Variants in CTNND2 observed in about 807,000 individuals in gnomAD.
CTNND2 encodes the protein catenin delta 2.
In CTNND2, 22 loss-of-function variants were observed where a neutral mutation model predicts 144.4. The observed-to-expected ratio is 0.15, with a 90% CI of 0.11 to 0.22. The LOEUF (loss-of-function observed/expected upper bound fraction) is 0.22, where lower values mean the gene tolerates loss of function less well. Ranked by LOEUF, CTNND2 falls within the 10% of genes least tolerant of loss-of-function variation. The pLI is 1.00. For synonymous variants in CTNND2, 751 were observed against 695.6 expected (o/e 1.08, Z -1.25); for missense variants, 1,353 against 1,618.8 (o/e 0.84, Z 2.82).
At chr5:11,782,470 T>A (rs1790593722) in intron 1 of CTNND2, among the ~76,000 whole-genome samples, 2 of 152,214 alleles carry the variant, frequency 1.3e-5, no homozygotes, top group Admixed American at 6.5e-5. Flanking sequence ...AATAAAGGTC[T>A]GAGAAAAGGA....
At chr5:11,876,358 C>T (rs996347254) in intron 1 of CTNND2, among the ~76,000 whole-genome samples, 16 of 151,042 alleles carry the variant, frequency 1.1e-4, no homozygotes, top group African/African-American at 3.6e-4. Flanking sequence ...GAGAAAAGAA[C>T]GAAAAAGGAA....
chr5:11,902,545 G>A (rs1054084470), intron 1 of CTNND2, among the ~76,000 whole-genome samples: 2 of 151,980 alleles, frequency 1.3e-5, no homozygotes, highest in African/African-American at 2.4e-5. Flanking sequence ...TAACTCCTAG[G>A]GAGTTTCAGC....
At chr5:11,005,787 G>A (rs545859622) in intron 18 of CTNND2, among the ~76,000 whole-genome samples, 1 of 152,302 alleles carries the variant, frequency 6.6e-6, no homozygotes, top group South Asian at 2.1e-4. Flanking sequence ...TAGTTGTATG[G>A]ATGGGTTTAG....
At chr5:11,810,552 A>T (rs1792271985) in intron 1 of CTNND2, among the ~76,000 whole-genome samples, 1 of 152,228 alleles carries the variant, frequency 6.6e-6, no homozygotes, top group African/African-American at 2.4e-5. Flanking sequence ...CTAAATTAAA[A>T]ATGATCACGT....
At chr5:11,547,019 A>T (rs1364464348) in intron 3 of CTNND2, among the ~76,000 whole-genome samples, 1 of 152,190 alleles carries the variant, frequency 6.6e-6, no homozygotes, top group Non-Finnish European at 1.5e-5. Context: ...AAACCTGTAC[A>T]GCACTTTCGG....
intron 3 of CTNND2, among the ~76,000 whole-genome samples, chr5:11,449,740 T>TG (rs1765136209): frequency 1.3e-5 from 2 of 152,256 alleles, no homozygotes; most frequent in Admixed American, 1.3e-4. Context: ...TATAATTTAT[T>TG]GCTCAGTTAC....
At chr5:11,692,175 C>T (rs538925784) in intron 2 of CTNND2, among the ~76,000 whole-genome samples, 1 of 152,234 alleles carries the variant, frequency 6.6e-6, no homozygotes, top group East Asian at 1.9e-4. Flanking sequence ...AGCATGGCTG[C>T]AATGTATTTT....
At chr5:11,303,004 T>C (rs1162921354) in intron 9 of CTNND2, among the ~76,000 whole-genome samples, 1 of 152,188 alleles carries the variant, frequency 6.6e-6, no homozygotes. Flanking sequence ...CTGGGTTAAC[T>C]TGCTGTCTTA....
chr5:11,249,594 G>C (rs1035280286), intron 9 of CTNND2, among the ~76,000 whole-genome samples: 1 of 152,076 alleles, frequency 6.6e-6, no homozygotes, highest in Non-Finnish European at 1.5e-5. Flanking sequence ...GAGTTGTGTG[G>C]TCATTTTTGT....
At chr5:11,406,572 A>G (rs2149830954) in intron 5 of CTNND2, among the ~76,000 whole-genome samples, 1 of 152,282 alleles carries the variant, frequency 6.6e-6, no homozygotes, top group South Asian at 2.1e-4. Context: ...TTATTATTGC[A>G]TGAGAACATA....
chr5:11,702,526 C>A (rs1243643161), intron 2 of CTNND2, among the ~76,000 whole-genome samples: 1 of 152,152 alleles, frequency 6.6e-6, no homozygotes, highest in African/African-American at 2.4e-5. Context: ...TTTTCCACAA[C>A]AATTAGTGCT....
At chr5:11,278,314 C>T (rs923176333) in intron 9 of CTNND2, among the ~76,000 whole-genome samples, 6 of 152,194 alleles carry the variant, frequency 3.9e-5, no homozygotes, top group Admixed American at 2.0e-4. Flanking sequence ...GCTTCTTTTA[C>T]AGGTCCTATT....
At chr5:11,104,733 C>T (rs1752247377) in intron 14 of CTNND2, among the ~76,000 whole-genome samples, 1 of 152,114 alleles carries the variant, frequency 6.6e-6, no homozygotes, top group African/African-American at 2.4e-5. Context: ...GAGGCTGAGG[C>T]TGTGCAAAGA....
rs116101123 is a variant in CTNND2, at chr5:11,126,853, C to T, written c.2160-9286G>A. 7.8e-3 allele frequency among the ~76,000 whole-genome samples: 1,192 copies of T among 152,274 alleles called. 5 individuals are homozygous for T. Among genetic ancestry groups the T allele is most frequent in the Middle Eastern group, 0.027 (8 of 294 alleles). ...TACAGCAGCAAGTCATGGGTGGTAACTTAAAAAATAAGGACACGGAACATA... is the reference window on the plus strand; with the variant it reads ...TACAGCAGCAAGTCATGGGTGGTAATTTAAAAAATAAGGACACGGAACATA... On this transcript the variant is annotated intron_variant, in intron 12 of 21. Coordinates refer to ENST00000304623, the MANE Select transcript of CTNND2 (RefSeq NM_001332.4).
rs568821305 is a variant in CTNND2 at position 11,284,547 on chromosome 5, G to A, written c.1629-47724C>T. Among the ~76,000 whole-genome samples, 3 of 152,230 alleles carry A rather than the reference G, an allele frequency of 2.0e-5. No homozygotes were observed. The South Asian group carries it at 6.2e-4, about 32-fold the overall frequency. ...TCTGTTCCTGTGTTAATTTGCTGAG[G>A]ATAATGACTTCCAGCTTCACTCAAG... On this transcript the variant is annotated intron_variant, in intron 9 of 21. Transcript: ENST00000304623.
At chr5:11,010,404 T>C (rs1243289856) in intron 18 of CTNND2, among the ~76,000 whole-genome samples, 2 of 152,252 alleles carry the variant, frequency 1.3e-5, no homozygotes, top group Admixed American at 6.5e-5. Context: ...AATAAAATTA[T>C]GAATTTTGAC....
At chr5:11,413,508 C>T (rs1479614471) in intron 3 of CTNND2, among the ~76,000 whole-genome samples, 1 of 152,084 alleles carries the variant, frequency 6.6e-6, no homozygotes, top group Non-Finnish European at 1.5e-5. Context: ...AGATCAATCC[C>T]ATTGGTCATT....
intron 2 of CTNND2, among the ~76,000 whole-genome samples, chr5:11,571,211 AT>A (rs1487882967): frequency 6.6e-6 from 1 of 152,012 alleles, no homozygotes; most frequent in Non-Finnish European, 1.5e-5. Context: ...TTAAATATGT[AT>A]TTTTGAAGGT....
At chr5:11,276,144 C>A (rs761287806) in intron 9 of CTNND2, among the ~76,000 whole-genome samples, 1 of 152,166 alleles carries the variant, frequency 6.6e-6, no homozygotes, top group South Asian at 2.1e-4. Context: ...ACGTGACATT[C>A]GAGAAAATGT....
Sources: gnomAD v4.1 joint callset for allele counts (sites outside exome capture counted in the v4.1 genomes callset) on GRCh38, gnomAD v4.1.1 for gene constraint, MANE v1.5 for transcripts, NCBI Gene and HGNC (gene_info 2026-07-23, HGNC 2026-07-21) for gene names.